Variants in MAST4 observed in about 807,000 individuals in gnomAD.
The protein encoded by MAST4 is microtubule-associated serine/threonine-protein kinase 4.
In MAST4, 89 loss-of-function variants were observed where a neutral mutation model predicts 162.7. That is an observed-to-expected ratio of 0.55 (90% CI 0.46 to 0.65). MAST4 has a LOEUF of 0.65. Ranked by LOEUF, MAST4 falls within the 30% of genes least tolerant of loss-of-function variation. The pLI is 0.00. For missense variants in MAST4, 3,153 were observed against 3,374.0 expected (o/e 0.93, Z 1.62); for synonymous variants, 1,479 against 1,361.1 (o/e 1.09, Z -1.91).
intron 3 of MAST4, among the ~76,000 whole-genome samples, chr5:66,804,437 C>T (rs183010917): frequency 3.5e-4 from 54 of 152,280 alleles, no homozygotes; most frequent in Admixed American, 2.4e-3. Context: ...CATGTCTTCC[C>T]GTGGGACCCA....
At position 66,922,821 on chromosome 5, in the gene MAST4, T is replaced by G. The variant is rs967709205; in HGVS notation, c.674+22839T>G. 1.5e-4 allele frequency among the ~76,000 whole-genome samples: 23 copies of G among 152,174 alleles called. 1 individual carries two copies. The highest frequency in any genetic ancestry group is 2.9e-5 in the Non-Finnish European group (2 of 68,024). ...AATGCCATCCTGAGGTGTGGAACAT[T>G]TTGTAAGAATGAGTAGGATATTCAC... is the stretch of plus-strand genomic sequence containing the variant. On this transcript the variant is annotated intron_variant, in intron 4 of 28. Coordinates refer to ENST00000403625, the MANE Select transcript of MAST4 (RefSeq NM_001164664.2).
intron 1 of MAST4, among the ~76,000 whole-genome samples, chr5:66,673,190 T>A (rs538909982): frequency 6.6e-6 from 1 of 152,190 alleles, no homozygotes; most frequent in Non-Finnish European, 1.5e-5. Context: ...TAAAATTTAA[T>A]CTTTTGTCAG....
chr5:66,959,421 A>G (rs1242718741), intron 4 of MAST4: 1 of 702,096 alleles, frequency 1.4e-6, no homozygotes. Context: ...GTGGAGGAAC[A>G]TGTCTTAAAT....
intron 11 of MAST4, among the ~76,000 whole-genome samples, chr5:67,111,079 C>A (rs1766180607): frequency 6.6e-6 from 1 of 151,966 alleles, no homozygotes; most frequent in Non-Finnish European, 1.5e-5. Context: ...TGATCATTCT[C>A]CTATTTAAAA....
rs576391467 is a variant in MAST4, at chr5:67,085,358, TCCACTCTTGCCTGCTTAAAGC to T, written c.764-4798_764-4778del. Reference sequence around the variant, plus strand: ...TAGCCTCCTAACTCATCCCCCTGCTTCCACTCTTGCCTGCTTAAAGCCCACTGGCCACAGAACAGCTAGAAG... The same window carrying T: ...TAGCCTCCTAACTCATCCCCCTGCTTCCACTGGCCACAGAACAGCTAGAAG... On this transcript the variant is annotated intron_variant, in intron 5 of 28. Coordinates refer to ENST00000403625, the MANE Select transcript of MAST4 (RefSeq NM_001164664.2). Among the ~76,000 whole-genome samples, 66 of 152,284 alleles carry T rather than the reference TCCACTCTTGCCTGCTTAAAGC, an allele frequency of 4.3e-4. 1 individual carries two copies. In the East Asian group the frequency reaches 0.01, roughly 24 times the overall value.
chr5:67,118,284 A>T (rs1258224092), intron 12 of MAST4, among the ~76,000 whole-genome samples: 1 of 152,190 alleles, frequency 6.6e-6, no homozygotes, highest in Non-Finnish European at 1.5e-5. Context: ...ACAACTTAAG[A>T]ATCATTCCCT....
intron 26 of MAST4, among the ~76,000 whole-genome samples, chr5:67,154,492 A>T (rs537235028): frequency 6.6e-6 from 1 of 152,294 alleles, no homozygotes; most frequent in African/African-American, 2.4e-5. Context: ...GTATTTTAAA[A>T]CTTCTCTTCC....
intron 3 of MAST4, among the ~76,000 whole-genome samples, chr5:66,855,236 G>A (rs753288739): frequency 2.6e-5 from 4 of 152,126 alleles, no homozygotes; most frequent in Non-Finnish European, 4.4e-5. Flanking sequence ...GGTTAAAAGT[G>A]TGTGGCATCT....
intron 4 of MAST4, among the ~76,000 whole-genome samples, chr5:66,946,017 T>G (rs1743985029): frequency 6.6e-6 from 1 of 152,174 alleles, no homozygotes; most frequent in South Asian, 2.1e-4. Context: ...CTCTTTCTCT[T>G]CTTCCCATCT....
At chr5:66,958,976 C>A in intron 4 of MAST4, 22 of 357,150 alleles carry the variant, frequency 6.2e-5, no homozygotes, top group South Asian at 2.8e-4. Flanking sequence ...AAAAAAAAAT[C>A]AGAAACCAAT....
rs776320177 is a variant in MAST4 at position 67,149,478 on chromosome 5, C to A, written c.3184C>A (p.Pro1062Thr). ...TDNSSKPSSE[P>T]ASHMARQRLE... ...TAATTCCTCAAAGCCATCCAGTGAA[C>A]CCGCTTCTCACATGGCTCGGCAGCG... The change falls in exon 24 of 29, where the codon CCC becomes ACC. Residue 1062 changes from proline to threonine, a missense_variant. This residue lies in a region of MAST4 where 619 missense variants were observed against 744.2 expected (regional missense o/e 0.83). Transcript: ENST00000403625. The A allele has an allele frequency of 6.2e-7, 1 of 1,613,778 alleles. No individual in the cohort carries two copies. Among genetic ancestry groups the A allele is most frequent in the Admixed American group, 1.7e-5 (1 of 59,988 alleles).
chr5:66,598,879 C>T (rs1045421375), intron 1 of MAST4, among the ~76,000 whole-genome samples: 2 of 152,156 alleles, frequency 1.3e-5, no homozygotes, highest in African/African-American at 4.8e-5. Flanking sequence ...GGTGACAGTG[C>T]TTTGCTTTGT....
chr5:67,008,958 G>T (rs1172221997), intron 4 of MAST4, among the ~76,000 whole-genome samples: 2 of 152,132 alleles, frequency 1.3e-5, no homozygotes, highest in African/African-American at 4.8e-5. Flanking sequence ...ATGACTATGA[G>T]AACTATAGAG....
In MAST4 at chr5:67,169,242, G is replaced by A. The variant is rs1179699360; in HGVS notation, c.*2191G>A. ...TATTTTTATGTATATTTTGTATAGT[G>A]TATCATCATTTTTGCCAAATATGTT... On this transcript the variant is annotated 3_prime_UTR_variant, in exon 29 of 29. Coordinates refer to ENST00000403625, the MANE Select transcript of MAST4 (RefSeq NM_001164664.2). 1.3e-5 allele frequency: 2 copies of A among 152,162 alleles called. No individual in the cohort carries two copies. The highest frequency in any genetic ancestry group is 1.3e-4 in the Admixed American group (2 of 15,286). 9.4% of individuals were successfully genotyped at this position (152,162 alleles called of 1,614,324 possible). A position where few individuals can be genotyped will look rare whatever the true frequency, so the allele number is the denominator to read the frequency against.
chr5:66,792,859 A>G (rs1293480684), intron 3 of MAST4, among the ~76,000 whole-genome samples: 1 of 152,192 alleles, frequency 6.6e-6, no homozygotes, highest in African/African-American at 2.4e-5. Flanking sequence ...AGTTGAAGTG[A>G]TGTGTGTGTT....
intron 3 of MAST4, among the ~76,000 whole-genome samples, chr5:66,892,601 T>G (rs1367646243): frequency 1.3e-5 from 2 of 152,330 alleles, no homozygotes; most frequent in East Asian, 3.9e-4. Context: ...CTTTGAAAAG[T>G]GCCTGTTTTC....
intron 4 of MAST4, among the ~76,000 whole-genome samples, chr5:66,968,327 T>C (rs1258076865): frequency 6.6e-6 from 1 of 152,218 alleles, no homozygotes; most frequent in African/African-American, 2.4e-5. Flanking sequence ...CTCAGAGTCA[T>C]AAACACACAG....
intron 4 of MAST4, among the ~76,000 whole-genome samples, chr5:67,036,834 A>G (rs1000668398): frequency 6.6e-6 from 1 of 152,252 alleles, no homozygotes; most frequent in African/African-American, 2.4e-5. Flanking sequence ...TGGATGCTAT[A>G]TATTTTCTCT....
rs767727699 is a variant in MAST4 at position 67,162,744 on chromosome 5, G to C, written c.3923G>C (p.Arg1308Pro). The C allele has an allele frequency of 1.9e-6, 3 of 1,613,652 alleles. No individual in the cohort carries two copies. Among genetic ancestry groups the C allele is most frequent in the Non-Finnish European group, 2.5e-6 (3 of 1,179,834 alleles). Residue 1308 changes from arginine to proline, a missense_variant, in exon 28 of 29, where the codon CGG becomes CCG. By Grantham distance (103) the Arg-to-Pro change is moderately radical. Coordinates refer to ENST00000403625, the MANE Select transcript of MAST4 (RefSeq NM_001164664.2). ...PGSPTHSLSP[R>P]SPTPSYRSTP... ...TCCCCCACTCATAGCTTGTCTCCCC[G>C]GTCTCCAACACCAAGCTACCGCTCC...
Sources: gnomAD v4.1 joint callset for allele counts (sites outside exome capture counted in the v4.1 genomes callset) on GRCh38, gnomAD v4.1.1 for gene constraint, gnomAD v4.1.1 regional missense constraint, MANE v1.5 for transcripts, NCBI Gene and HGNC (gene_info 2026-07-23, HGNC 2026-07-21) for gene names.